Variants in XRCC6 observed in about 807,000 individuals in gnomAD.
XRCC6 encodes X-ray repair cross complementing 6.
In XRCC6, 5 loss-of-function variants were observed where a neutral mutation model predicts 65.7. The ratio of observed to expected loss-of-function variants is 0.08; its 90% CI spans 0.04 to 0.16. The LOEUF (loss-of-function observed/expected upper bound fraction) is 0.16. Ranked by LOEUF, XRCC6 falls within the 10% of genes least tolerant of loss-of-function variation. The pLI is 1.00. For synonymous variants in XRCC6, 270 were observed against 270.6 expected (o/e 1.00, Z 0.02); for missense variants, 447 against 738.1 (o/e 0.61, Z 4.57).
chr22:41,647,040 T>C lies in XRCC6; in HGVS notation c.918T>C (p.Ser306=). The change falls in exon 7 of 13, where the codon AGT becomes AGC. Residue 306 remains serine (S), a synonymous_variant. Transcript: ENST00000360079. ...CCAAGACCCGGACCTTTAATACAAG[T>C]ACAGGCGGTTTGCTTCTGCCTAGCG... is the stretch of plus-strand genomic sequence containing the variant. The part of the protein sequence containing the change: ...VKTKTRTFNT[S]TGGLLLPSDT... 1 of 1,614,146 alleles carries C rather than the reference T, an allele frequency of 6.2e-7. No homozygotes were observed. Among genetic ancestry groups the C allele is most frequent in the Non-Finnish European group, 8.5e-7 (1 of 1,180,036 alleles).
intron 6 of XRCC6, among the ~76,000 whole-genome samples, chr22:41,642,124 G>A (rs1345534665): frequency 2.6e-5 from 4 of 152,100 alleles, no homozygotes; most frequent in Non-Finnish European, 4.4e-5. Context: ...CACTTAGGTC[G>A]CTTCCAAATC....
intron 4 of XRCC6, 26 bp from the exon 5 acceptor site, chr22:41,636,490 C>G (rs1344775371): frequency 6.2e-7 from 1 of 1,608,336 alleles, no homozygotes; most frequent in Non-Finnish European, 8.5e-7. Context: ...ATTTTTCTTT[C>G]CATTTGACTC....
At chr22:41,634,051 A>G (rs1299626955) in intron 3 of XRCC6, among the ~76,000 whole-genome samples, 1 of 152,236 alleles carries the variant, frequency 6.6e-6, no homozygotes, top group Non-Finnish European at 1.5e-5. Context: ...GATTGTTGTC[A>G]GTGACTAGCT....
At chr22:41,644,468 A>G (rs1048906111) in intron 6 of XRCC6, among the ~76,000 whole-genome samples, 2 of 152,062 alleles carry the variant, frequency 1.3e-5, no homozygotes, top group African/African-American at 4.8e-5. Context: ...ATATGTGTAC[A>G]TTGTTATTAT....
At chr22:41,630,510 AT>A (rs1012510341) in intron 3 of XRCC6, among the ~76,000 whole-genome samples, 45 of 133,546 alleles carry the variant, frequency 3.4e-4, no homozygotes, top group African/African-American at 1.2e-3. Flanking sequence ...TTTTTAATTT[AT>A]TTTTTTTATT....
At chr22:41,642,551 C>T (rs926625758) in intron 6 of XRCC6, among the ~76,000 whole-genome samples, 18 of 152,130 alleles carry the variant, frequency 1.2e-4, no homozygotes, top group Admixed American at 3.3e-4. Context: ...GAGAATTTCC[C>T]GGTATGATTT....
intron 1 of XRCC6, 74 bp downstream of exon 1, chr22:41,621,419 CGCGCGCCCCCA>C (rs2067602348): frequency 6.1e-6 from 1 of 162,710 alleles, no homozygotes; most frequent in Non-Finnish European, 1.3e-5. Context: ...CGGTCGGTCT[CGCGCGCCCCCA>C]TAGCCTTGCT....
intron 2 of XRCC6, among the ~76,000 whole-genome samples, chr22:41,622,996 C>T (rs956572470): frequency 1.3e-5 from 2 of 151,882 alleles, no homozygotes; most frequent in Admixed American, 6.6e-5. Flanking sequence ...AAAAAATTTG[C>T]TATAATCTAC....
intron 3 of XRCC6, among the ~76,000 whole-genome samples, chr22:41,634,990 T>C (rs557320996): frequency 2.6e-5 from 4 of 152,358 alleles, no homozygotes; most frequent in African/African-American, 4.8e-5. Context: ...CTGGTAGTTA[T>C]TGACTTATTT....
rs921225213 is a variant in XRCC6, at chr22:41,626,631, G to GTTT, written c.83-1478_83-1476dup. On this transcript the variant is annotated intron_variant, in intron 2 of 12. Transcript: ENST00000360079. The stretch of plus-strand genomic sequence containing the variant: ...CACCACACCTGGCTAATGTTTGTTT[G>GTTT]TTTTTTTTTTTGTTTTTTTTTTTTG... Among the ~76,000 whole-genome samples the GTTT allele has an allele frequency of 1.5e-3, 169 of 111,508 alleles. 12 individuals are homozygous for GTTT. The highest frequency in any genetic ancestry group is 4.8e-3 in the Middle Eastern group (1 of 208). The allele number at this position is 111,508 out of a possible 152,430, so 73.2% of individuals were successfully genotyped here. A position where few individuals can be genotyped will look rare whatever the true frequency, so the allele number is the denominator to read the frequency against.
At chr22:41,652,407 C>A (rs1158240375) in intron 8 of XRCC6, among the ~76,000 whole-genome samples, 1 of 151,436 alleles carries the variant, frequency 6.6e-6, no homozygotes, top group Non-Finnish European at 1.5e-5. Flanking sequence ...ACTCTGTCAC[C>A]CAGGCTAGAG....
intron 6 of XRCC6, among the ~76,000 whole-genome samples, chr22:41,638,776 CAA>C (rs56677816): frequency 0.014 from 912 of 65,626 alleles, 11 homozygotes; most frequent in African/African-American, 0.051. Flanking sequence ...GACTCCGCCT[CAA>C]AAAAAAAAAA....
intron 6 of XRCC6, among the ~76,000 whole-genome samples, chr22:41,646,535 C>T (rs1047355386): frequency 1.3e-5 from 2 of 152,034 alleles, no homozygotes; most frequent in African/African-American, 4.8e-5. Context: ...CTTATTGGAG[C>T]ATTATGGGTT....
chr22:41,628,989 A>AG (rs2067710487), intron 3 of XRCC6, among the ~76,000 whole-genome samples: 1 of 150,022 alleles, frequency 6.7e-6, no homozygotes, highest in South Asian at 2.1e-4. Context: ...AAAAAAAAAA[A>AG]CAATTCTCCA....
intron 12 of XRCC6, among the ~76,000 whole-genome samples, chr22:41,662,080 G>A (rs572772449): frequency 2.6e-5 from 4 of 152,250 alleles, no homozygotes; most frequent in Non-Finnish European, 5.9e-5. Flanking sequence ...GAGAAGGGTA[G>A]TGAGGCATTG....
intron 10 of XRCC6, among the ~76,000 whole-genome samples, chr22:41,657,473 CAT>C (rs928562400): frequency 2.4e-4 from 35 of 147,098 alleles, no homozygotes; most frequent in East Asian, 9.9e-4. Flanking sequence ...ATTTTTTTCA[CAT>C]GTCATTTTTA....
chr22:41,655,961 G>T (rs1455437484), intron 9 of XRCC6, among the ~76,000 whole-genome samples: 2 of 151,844 alleles, frequency 1.3e-5, no homozygotes, highest in African/African-American at 4.8e-5. Flanking sequence ...AGGCACTGTG[G>T]CTAATGCCTG....
intron 2 of XRCC6, among the ~76,000 whole-genome samples, chr22:41,624,462 G>A (rs561360343): frequency 6.6e-6 from 1 of 151,902 alleles, no homozygotes; most frequent in South Asian, 2.1e-4. Flanking sequence ...CGAGGCAGGT[G>A]GATCACAAGG....
chr22:41,640,322 T>G (rs1438967046), intron 6 of XRCC6, among the ~76,000 whole-genome samples: 1 of 152,102 alleles, frequency 6.6e-6, no homozygotes, highest in South Asian at 2.1e-4. Flanking sequence ...CTGATTTTTT[T>G]GTATTTTTAG....
Sources: gnomAD v4.1 joint callset for allele counts (sites outside exome capture counted in the v4.1 genomes callset) on GRCh38, gnomAD v4.1.1 for gene constraint, MANE v1.5 for transcripts, NCBI Gene and HGNC (gene_info 2026-07-23, HGNC 2026-07-21) for gene names.